Variants in TAF5L observed in about 807,000 individuals in gnomAD.
TAF5L encodes the protein TATA-box binding protein associated factor 5 like.
In TAF5L, 7 loss-of-function variants were observed where a neutral mutation model predicts 51.3. The observed-to-expected ratio is 0.14, with a 90% CI of 0.08 to 0.26. TAF5L has a LOEUF of 0.26. Among genes scored for constraint, TAF5L ranks in the 10% least tolerant of loss-of-function variants. The pLI, the probability that TAF5L is intolerant of heterozygous loss-of-function variation, is 1.00. For synonymous variants in TAF5L, 291 were observed against 308.1 expected (o/e 0.94, Z 0.58); for missense variants, 575 against 758.9 (o/e 0.76, Z 2.85).
At chr1:229,624,150 T>C (rs1226206043) in intron 1 of TAF5L, among the ~76,000 whole-genome samples, 1 of 152,214 alleles carries the variant, frequency 6.6e-6, no homozygotes, top group Non-Finnish European at 1.5e-5. Flanking sequence ...GCTAATATAT[T>C]GCTTGCAAAA....
In TAF5L at chr1:229,595,107, G is replaced by A; in HGVS notation, c.973-13C>T. On this transcript the variant is annotated splice_polypyrimidine_tract_variant and intron_variant, in intron 4 of 4. Transcript: ENST00000258281. ...CATCCTCATCATCCTGGGAACAGTG[G>A]GGTGGGGTGGGAAAAGAAACACACA... The A allele has an allele frequency of 6.4e-7, 1 of 1,559,288 alleles. No individual in the cohort carries two copies. The highest frequency in any genetic ancestry group is 8.7e-7 in the Non-Finnish European group (1 of 1,150,942).
At chr1:229,599,928 C>T (rs532547125) in intron 4 of TAF5L, 2 of 985,480 alleles carry the variant, frequency 2.0e-6, no homozygotes, top group South Asian at 9.4e-5. Flanking sequence ...ATCTGACTTA[C>T]ATAGTGATTT....
chr1:229,597,563 G>A (rs1019031441), intron 4 of TAF5L, among the ~76,000 whole-genome samples: 3 of 152,142 alleles, frequency 2.0e-5, no homozygotes, highest in African/African-American at 7.2e-5. Context: ...CAGCACGGTC[G>A]AGCAGCTGAT....
At chr1:229,611,592 T>C (rs934618602) in intron 2 of TAF5L, among the ~76,000 whole-genome samples, 4 of 152,114 alleles carry the variant, frequency 2.6e-5, no homozygotes, top group East Asian at 1.9e-4. Flanking sequence ...TCCTCCTCCT[T>C]CTTCTTGCCC....
At chr1:229,607,347 C>A in intron 3 of TAF5L, 5 of 985,402 alleles carry the variant, frequency 5.1e-6, no homozygotes, top group Non-Finnish European at 6.0e-6. Flanking sequence ...GTCTCCCTGC[C>A]ATTCCTCTTA....
chr1:229,599,321 T>C (rs1292638756), intron 4 of TAF5L: 18 of 497,388 alleles, frequency 3.6e-5, no homozygotes, highest in Non-Finnish European at 4.7e-5. Flanking sequence ...TATAATTCTT[T>C]CAAAGTGTAC....
rs1665447382 is a variant in TAF5L at position 229,625,995 on chromosome 1, T to G, written c.-114A>C. The G allele has an allele frequency of 7.1e-6, 1 of 141,198 alleles. No homozygotes were observed. Among genetic ancestry groups the G allele is most frequent in the South Asian group, 1.9e-4 (1 of 5,246 alleles). 8.7% of individuals were successfully genotyped at this position (141,198 alleles called of 1,614,324 possible). ...GTCTCACTCCGACGGCCGGCTCAGC[T>G]GGGCCCCCGCGCCCCGCGCCCCGCC... On this transcript the variant is annotated 5_prime_UTR_variant, in exon 1 of 5. Transcript: ENST00000258281. This position sits in a 1 kb window ranked among gnomAD's most constrained non-coding sequence, Gnocchi z 4.0.
chr1:229,618,517 T>C (rs1558154415), intron 1 of TAF5L, among the ~76,000 whole-genome samples: 1 of 152,200 alleles, frequency 6.6e-6, no homozygotes, highest in Non-Finnish European at 1.5e-5. Flanking sequence ...TGTATATCTA[T>C]TCTCATGTAT....
chr1:229,594,505 T>A lies in TAF5L; in HGVS notation c.1562A>T (p.Asp521Val). 6.2e-7 allele frequency: 1 copy of A among 1,614,120 alleles called. No individual in the cohort carries two copies. Among genetic ancestry groups the A allele is most frequent in the Non-Finnish European group, 8.5e-7 (1 of 1,179,968 alleles). ...GGAGGCAGAGGCAATCAAGCCGCTG[T>A]CTGGACTGAAGGTGAGGCTGGTGAT... Residue 521 changes from aspartate to valine, a missense_variant, in exon 5 of 5, where the codon GAC becomes GTC. Coordinates refer to ENST00000258281, the Ensembl canonical transcript of TAF5L. The surrounding 1 kb of genome is among the most constrained non-coding windows in gnomAD (Gnocchi z 7.9).
exon 5 of TAF5L, chr1:229,593,912 C>T (rs892286625): frequency 4.1e-5 from 8 of 196,698 alleles, no homozygotes; most frequent in African/African-American, 1.2e-4. Flanking sequence ...CTGGACCATG[C>T]GTGACCCCTG....
intron 2 of TAF5L, among the ~76,000 whole-genome samples, chr1:229,613,992 G>C (rs1385081217): frequency 6.6e-6 from 1 of 152,180 alleles, no homozygotes; most frequent in African/African-American, 2.4e-5. Context: ...GCAAGAAGGG[G>C]ACAGAGGGAG....
rs1300224791 is a variant in TAF5L at position 229,594,681 on chromosome 1, C to T, written c.1386G>A (p.Arg462=). The change falls in exon 5 of 5, where the codon AGG becomes AGA. Residue 462 remains arginine (R), a synonymous_variant. Transcript: ENST00000258281. This position sits in a 1 kb window ranked among gnomAD's most constrained non-coding sequence, Gnocchi z 7.9. ...CGGGGCCACGGTGGCCTGTGAAAAG[C>T]CTCACCGAGTTCCCCTGCTGAGCGC... 6 of 1,614,078 alleles carry T rather than the reference C, an allele frequency of 3.7e-6. 1 individual carries two copies. Among genetic ancestry groups the T allele is most frequent in the Non-Finnish European group, 5.1e-6 (6 of 1,180,044 alleles).
In TAF5L at chr1:229,622,767, C is replaced by T. The variant is rs575029027; in HGVS notation, c.-4+3118G>A. On this transcript the variant is annotated intron_variant, in intron 1 of 4. Transcript: ENST00000258281. The stretch of plus-strand genomic sequence containing the variant: ...GCTACAGGCATGCCCACCATCACAC[C>T]TGGTTAGTTAAAAAAAAAATTTTTT... Among the ~76,000 whole-genome samples, 6 of 152,042 alleles carry T rather than the reference C, an allele frequency of 3.9e-5. No homozygotes were observed. In the South Asian group the frequency reaches 1.0e-3, roughly 26 times the overall value.
intron 3 of TAF5L, chr1:229,606,836 G>A (rs1031644243): frequency 1.6e-5 from 16 of 985,266 alleles, no homozygotes; most frequent in Admixed American, 6.2e-5. Context: ...TAGGACCTAC[G>A]GCAATAGGTG....
chr1:229,617,125 G>C (rs112587704), intron 1 of TAF5L, among the ~76,000 whole-genome samples: 1,941 of 152,192 alleles, frequency 0.013, 43 homozygotes, highest in African/African-American at 0.045. Flanking sequence ...CTGATACTCT[G>C]AGAGTGGGGT....
In TAF5L at chr1:229,594,175, G is replaced by A. The variant is rs1476116877; in HGVS notation, c.*122C>T. Reference sequence around the variant, plus strand: ...TGAAGGGGGACCTGCCCGGAATGAGGGCCCAGGAGAGAGGGGAGGAGGGGG... The same window carrying A: ...TGAAGGGGGACCTGCCCGGAATGAGAGCCCAGGAGAGAGGGGAGGAGGGGG... On this transcript the variant is annotated 3_prime_UTR_variant, in exon 5 of 5. Coordinates refer to ENST00000258281, the Ensembl canonical transcript of TAF5L. This position sits in a 1 kb window ranked among gnomAD's most constrained non-coding sequence, Gnocchi z 7.9. 1.7e-6 allele frequency: 2 copies of A among 1,174,616 alleles called. No homozygotes were observed. Among genetic ancestry groups the A allele is most frequent in the African/African-American group, 3.1e-5 (2 of 64,348 alleles). 72.8% of individuals were successfully genotyped at this position (1,174,616 alleles called of 1,614,324 possible). A position where few individuals can be genotyped will look rare whatever the true frequency, so the allele number is the denominator to read the frequency against.
chr1:229,617,668 G>C (rs1665056654), intron 1 of TAF5L, among the ~76,000 whole-genome samples: 1 of 152,184 alleles, frequency 6.6e-6, no homozygotes, highest in African/African-American at 2.4e-5. Context: ...TGTCCTCAAG[G>C]TGCGACAATA....
chr1:229,614,520 C>T (rs756306771), intron 1 of TAF5L, 35 bp from the exon 2 acceptor site: 3 of 1,608,526 alleles, frequency 1.9e-6, no homozygotes, highest in Non-Finnish European at 2.6e-6. Context: ...ACAGAGACAT[C>T]AGGGGCCTGG....
intron 1 of TAF5L, among the ~76,000 whole-genome samples, chr1:229,621,988 G>A (rs1309103473): frequency 6.6e-6 from 1 of 151,890 alleles, no homozygotes; most frequent in Non-Finnish European, 1.5e-5. Flanking sequence ...ATGCCTGTTC[G>A]GGTGAGCAGA....
Sources: allele counts gnomAD v4.1 joint callset (sites outside exome capture counted in the v4.1 genomes callset), GRCh38; gene constraint gnomAD v4.1.1; non-coding constraint Gnocchi (gnomAD v3.1); transcripts MANE v1.5; gene names NCBI Gene and HGNC (gene_info 2026-07-23, HGNC 2026-07-21).